The following PPP2R1B variants were observed in gnomAD, a reference collection of about 807,000 sequenced individuals.
PPP2R1B encodes the protein serine/threonine-protein phosphatase 2A 65 kDa regulatory subunit A beta isoform.
Under a neutral mutation model 72.7 loss-of-function variants are expected in PPP2R1B, and 58 were observed. That is an observed-to-expected ratio of 0.80 (90% CI 0.65 to 0.99). The LOEUF (loss-of-function observed/expected upper bound fraction) is 0.99. Among genes scored for constraint, PPP2R1B ranks in the 50% least tolerant of loss-of-function variants. The pLI is 0.00. For synonymous variants in PPP2R1B, 256 were observed against 264.6 expected (o/e 0.97, Z 0.32); for missense variants, 695 against 733.6 (o/e 0.95, Z 0.61).
intron 3 of PPP2R1B, 141 bp from the exon 4 acceptor site, chr11:111,761,192 A>C: frequency 1.3e-6 from 1 of 787,524 alleles, no homozygotes; most frequent in Non-Finnish European, 2.2e-6. Flanking sequence ...GGTTACTTTC[A>C]GCTCACACAG....
At chr11:111,716,145 G>A in the PPP2R1B span, among the ~76,000 whole-genome samples, 12 of 152,252 alleles carry the variant, frequency 7.9e-5, no homozygotes, top group South Asian at 6.2e-4. Context: ...AGGATTTTCC[G>A]AATTACCCCC....
intron 7 of PPP2R1B, 57 bp downstream of exon 7, chr11:111,754,923 C>T: frequency 2.1e-6 from 3 of 1,460,674 alleles, no homozygotes; most frequent in Non-Finnish European, 1.9e-6. Flanking sequence ...AATTGACTAA[C>T]AAAAAAATGC....
chr11:111,735,857 G>GA (rs1222361548), downstream of PPP2R1B, among the ~76,000 whole-genome samples: 2 of 152,216 alleles, frequency 1.3e-5, no homozygotes, highest in East Asian at 3.9e-4. Flanking sequence ...GCAATTGGAT[G>GA]ACTTCCTGGA....
chr11:111,713,739 C>T, the PPP2R1B span, among the ~76,000 whole-genome samples: 2 of 152,132 alleles, frequency 1.3e-5, no homozygotes, highest in Admixed American at 6.5e-5. Flanking sequence ...GAGGCCAAGG[C>T]GGACAGATCA....
chr11:111,741,937 C>A, intron 14 of PPP2R1B, 116 bp downstream of exon 14: 1 of 952,862 alleles, frequency 1.0e-6, no homozygotes, highest in Non-Finnish European at 1.7e-6. Flanking sequence ...GAACTTACTA[C>A]CCTCCCTGTT....
At chr11:111,763,499 T>C (rs948435507) in intron 3 of PPP2R1B, among the ~76,000 whole-genome samples, 1 of 152,148 alleles carries the variant, frequency 6.6e-6, no homozygotes, top group Non-Finnish European at 1.5e-5. Context: ...GTGGAAAGCA[T>C]TGCTAGGAAG....
In PPP2R1B at chr11:111,739,680, T is replaced by C. The variant is rs1944455809; in HGVS notation, c.*1916A>G. ...AACCAGAGTAAAGCAATGGTTCCAGTGCAAATCTGCTTCATGAAGACAAAT... is the reference window on the plus strand; with the variant it reads ...AACCAGAGTAAAGCAATGGTTCCAGCGCAAATCTGCTTCATGAAGACAAAT... On this transcript the variant is annotated 3_prime_UTR_variant, in exon 15 of 15. Transcript: ENST00000527614. The C allele has an allele frequency of 1.0e-6, 1 of 985,314 alleles. No individual in the cohort carries two copies. Among genetic ancestry groups the C allele is most frequent in the Admixed American group, 6.1e-5 (1 of 16,274 alleles). 61.0% of individuals were successfully genotyped at this position (985,314 alleles called of 1,614,324 possible).
chr11:111,764,655 C>A, intron 3 of PPP2R1B, 150 bp downstream of exon 3: 2 of 724,582 alleles, frequency 2.8e-6, no homozygotes, highest in Admixed American at 3.1e-5. Context: ...AAAGTGCCTA[C>A]AGTACTTATT....
the PPP2R1B span, among the ~76,000 whole-genome samples, chr11:111,715,040 G>A: frequency 5.3e-5 from 8 of 152,234 alleles, no homozygotes; most frequent in African/African-American, 1.9e-4. Context: ...TATTTTTAAA[G>A]CTTGTGATTG....
chr11:111,736,211 G>A (rs190897470), downstream of PPP2R1B, among the ~76,000 whole-genome samples: 23 of 152,256 alleles, frequency 1.5e-4, no homozygotes, highest in African/African-American at 5.3e-4. Flanking sequence ...ACCAAGGCTC[G>A]AGTAACGGCA....
At chr11:111,758,638 G>A (rs782752090) in intron 5 of PPP2R1B, among the ~76,000 whole-genome samples, 7 of 152,028 alleles carry the variant, frequency 4.6e-5, no homozygotes, top group South Asian at 2.1e-4. Flanking sequence ...CAAAGGCTGC[G>A]CTTACCATAA....
chr11:111,757,306 C>T (rs1945160457), intron 5 of PPP2R1B, among the ~76,000 whole-genome samples: 1 of 152,086 alleles, frequency 6.6e-6, no homozygotes, highest in Admixed American at 6.5e-5. Flanking sequence ...ACTTGAGAGA[C>T]ATAACAGTGA....
At chr11:111,704,846 G>A in the PPP2R1B span, 1 of 909,852 alleles carries the variant, frequency 1.1e-6, no homozygotes, top group African/African-American at 1.8e-5. Context: ...CATTTTTGGA[G>A]CAGCTTTCAT....
the PPP2R1B span, among the ~76,000 whole-genome samples, chr11:111,708,745 A>G: frequency 6.6e-6 from 1 of 151,978 alleles, no homozygotes; most frequent in Non-Finnish European, 1.5e-5. Context: ...CACCACGCCC[A>G]GCTAATTATT....
chr11:111,736,812 A>T (rs192194187), downstream of PPP2R1B, among the ~76,000 whole-genome samples: 525 of 152,326 alleles, frequency 3.4e-3, 6 homozygotes, highest in African/African-American at 0.012. Context: ...ATTTTTCCCC[A>T]TGAACTAAAC....
At chr11:111,703,141 A>G in the PPP2R1B span, 1 of 1,489,840 alleles carries the variant, frequency 6.7e-7, no homozygotes. Flanking sequence ...ACATGAGTCA[A>G]GCAAATAACC....
chr11:111,738,284 A>G lies in PPP2R1B; in HGVS notation c.*3312T>C. On this transcript the variant is annotated 3_prime_UTR_variant, in exon 15 of 15. Transcript: ENST00000527614. ...TAAGAAGCTTTACGATAAGAGTGTC[A>G]CCATTTTTAAAAGTCAGAGGAATTT... 2.0e-6 allele frequency: 2 copies of G among 985,484 alleles called. No homozygotes were observed. The highest frequency in any genetic ancestry group is 9.4e-5 in the South Asian group (2 of 21,286). The allele number at this position is 985,484 out of a possible 1,614,324, so 61.0% of individuals were successfully genotyped here.
chr11:111,761,515 G>T (rs781801271), intron 3 of PPP2R1B, among the ~76,000 whole-genome samples: 2 of 152,162 alleles, frequency 1.3e-5, no homozygotes, highest in Non-Finnish European at 2.9e-5. Flanking sequence ...ATTCCCAGAG[G>T]TGCAAGCAAC....
chr11:111,737,309 A>T (rs1944366290), downstream of PPP2R1B: 2 of 1,311,858 alleles, frequency 1.5e-6, no homozygotes, highest in Non-Finnish European at 2.1e-6. Context: ...CCGGCCCTTA[A>T]AATTGGACTC....
Sources: gnomAD v4.1 joint callset for allele counts (sites outside exome capture counted in the v4.1 genomes callset) on GRCh38, gnomAD v4.1.1 for gene constraint, MANE v1.5 for transcripts, NCBI Gene and HGNC (gene_info 2026-07-23, HGNC 2026-07-21) for gene names.